The following DLG2 variants were observed in gnomAD, a reference collection of about 807,000 sequenced individuals.
DLG2 encodes the protein discs large MAGUK scaffold protein 2.
In DLG2, 45 loss-of-function variants were observed where a neutral mutation model predicts 132.5. The ratio of observed to expected loss-of-function variants is 0.34; its 90% CI spans 0.27 to 0.44. DLG2 has a LOEUF of 0.44. Among genes scored for constraint, DLG2 ranks in the 20% least tolerant of loss-of-function variants. DLG2 has a pLI of 1.00. For missense variants in DLG2, 1,045 were observed against 1,196.9 expected (o/e 0.87, Z 1.87); for synonymous variants, 424 against 419.6 (o/e 1.01, Z -0.13).
intron 18 of DLG2, among the ~76,000 whole-genome samples, chr11:83,734,444 G>GTC (rs995292410): frequency 5.6e-5 from 7 of 124,856 alleles, no homozygotes; most frequent in Non-Finnish European, 9.5e-5. Context: ...TTCTCTCTCT[G>GTC]TCTCTCTCTC....
intron 7 of DLG2, among the ~76,000 whole-genome samples, chr11:84,396,391 A>C (rs1325657873): frequency 6.6e-6 from 1 of 152,232 alleles, no homozygotes; most frequent in Non-Finnish European, 1.5e-5. Context: ...ATACTTTAAA[A>C]AAAAATATAT....
intron 3 of DLG2, among the ~76,000 whole-genome samples, chr11:85,296,874 A>T (rs944999776): frequency 1.3e-5 from 2 of 149,896 alleles, no homozygotes; most frequent in Admixed American, 1.3e-4. Flanking sequence ...TATAATTATG[A>T]TGTAATTTTA....
chr11:85,021,609 G>A (rs2060073854), intron 6 of DLG2: 2 of 1,377,268 alleles, frequency 1.5e-6, no homozygotes, highest in Non-Finnish European at 2.1e-6. Context: ...ACACACGGGA[G>A]TTCATGGAGC....
At chr11:83,507,639 G>C (rs924515412) in intron 21 of DLG2, among the ~76,000 whole-genome samples, 1 of 144,756 alleles carries the variant, frequency 6.9e-6, no homozygotes, top group South Asian at 2.2e-4. Context: ...GAGTTAAATG[G>C]GGATGTGGTG....
At chr11:83,573,126 T>C (rs2096825309) in intron 19 of DLG2, among the ~76,000 whole-genome samples, 1 of 152,222 alleles carries the variant, frequency 6.6e-6, no homozygotes, top group Admixed American at 6.5e-5. Flanking sequence ...TTTTGGTTTA[T>C]TTACTTTAGG....
chr11:84,505,611 G>A (rs1395668446), intron 7 of DLG2, among the ~76,000 whole-genome samples: 1 of 152,056 alleles, frequency 6.6e-6, no homozygotes, highest in Admixed American at 6.5e-5. Context: ...CTGCCTTATA[G>A]AATTATTGAA....
At chr11:83,684,428 G>C (rs1267917249) in intron 18 of DLG2, 2 of 152,170 alleles carry the variant, frequency 1.3e-5, no homozygotes, top group Non-Finnish European at 2.9e-5. Context: ...CTCACATACA[G>C]TCTGTTCTCT....
At chr11:85,023,882 C>T (rs2060290693) in intron 6 of DLG2, among the ~76,000 whole-genome samples, 1 of 152,048 alleles carries the variant, frequency 6.6e-6, no homozygotes, top group African/African-American at 2.4e-5. Context: ...ATTTTACAAA[C>T]ATAAAATTGA....
At chr11:84,984,120 C>T (rs557571125) in intron 6 of DLG2, among the ~76,000 whole-genome samples, 5 of 152,204 alleles carry the variant, frequency 3.3e-5, no homozygotes, top group Non-Finnish European at 7.4e-5. Context: ...CCTGGCCTTG[C>T]TAGAGACCTA....
intron 6 of DLG2, among the ~76,000 whole-genome samples, chr11:84,738,345 G>T (rs1416926250): frequency 6.6e-6 from 1 of 151,660 alleles, no homozygotes; most frequent in Admixed American, 6.6e-5. Context: ...ATACCCTCTA[G>T]ATTTGGCCTT....
At position 84,502,211 on chromosome 11, in the gene DLG2, C is replaced by CCTCT. The variant is rs2099211965; in HGVS notation, c.519+32358_519+32359insAGAG. Among the ~76,000 whole-genome samples, 2 of 1,678 alleles carry CCTCT rather than the reference C, an allele frequency of 1.2e-3. 1 individual carries two copies. The allele number at this position is 1,678 out of a possible 152,430, so 1.1% of individuals were successfully genotyped here. On this transcript the variant is annotated intron_variant, in intron 7 of 27. Transcript: ENST00000376104. ...TTCTCTCTCTCTCTCTCCTTCCTTC[C>CCTCT]TTCCTTCCTTCCTTCCTTCCTTCCT...
At position 83,460,999 on chromosome 11, in the gene DLG2, GTTTTTTT is replaced by G. The variant is rs10591072; in HGVS notation, c.2821+996_2821+1002del. ...GGTAATCCAGGAAGAAAGTTCTTGGGTTTTTTTTTTTTTTTTTTTTTTTTTTGAGACA... is the reference window on the plus strand; with the variant it reads ...GGTAATCCAGGAAGAAAGTTCTTGGGTTTTTTTTTTTTTTTTTTTGAGACA... On this transcript the variant is annotated intron_variant, in intron 27 of 27. Transcript: ENST00000376104. Among the ~76,000 whole-genome samples, 542 of 107,062 alleles carry G rather than the reference GTTTTTTT, an allele frequency of 5.1e-3. 13 individuals carry two copies. Among genetic ancestry groups the G allele is most frequent in the Middle Eastern group, 0.016 (3 of 192 alleles). 70.2% of individuals were successfully genotyped at this position (107,062 alleles called of 152,430 possible). A position where few individuals can be genotyped will look rare whatever the true frequency, so the allele number is the denominator to read the frequency against.
At chr11:83,868,545 AATACACATATAAAC>A (rs1188031190) in intron 16 of DLG2, among the ~76,000 whole-genome samples, 3 of 152,254 alleles carry the variant, frequency 2.0e-5, no homozygotes, top group South Asian at 2.1e-4. Flanking sequence ...CATATACATA[AATACACATATAAAC>A]ATACACATAA....
At chr11:83,668,923 A>G (rs1370914614) in intron 18 of DLG2, among the ~76,000 whole-genome samples, 6 of 150,704 alleles carry the variant, frequency 4.0e-5, no homozygotes, top group Non-Finnish European at 5.9e-5. Context: ...TTATTCGCTC[A>G]GCACCAAATT....
chr11:84,128,912 T>C (rs1360118886), intron 9 of DLG2, among the ~76,000 whole-genome samples: 1 of 152,182 alleles, frequency 6.6e-6, no homozygotes, highest in African/African-American at 2.4e-5. Flanking sequence ...TCACCTTTTT[T>C]GGCATGTTCT....
At chr11:84,066,592 T>G (rs2096676346) in intron 10 of DLG2, among the ~76,000 whole-genome samples, 1 of 152,124 alleles carries the variant, frequency 6.6e-6, no homozygotes, top group Admixed American at 6.5e-5. Context: ...AAATCCTGTC[T>G]GTGCTAAAAA....
chr11:84,566,165 G>A (rs965087829), intron 6 of DLG2, among the ~76,000 whole-genome samples: 1 of 151,970 alleles, frequency 6.6e-6, no homozygotes, highest in African/African-American at 2.4e-5. Flanking sequence ...GTTTCACCAT[G>A]TTGGCCAGGC....
intron 6 of DLG2, among the ~76,000 whole-genome samples, chr11:84,781,892 G>C (rs535661432): frequency 4.6e-5 from 7 of 152,218 alleles, no homozygotes; most frequent in African/African-American, 1.7e-4. Flanking sequence ...AGAGATGGCA[G>C]AGGGCAGGGT....
chr11:84,871,780 T>C (rs2085500535), intron 6 of DLG2, among the ~76,000 whole-genome samples: 1 of 152,092 alleles, frequency 6.6e-6, no homozygotes, highest in Admixed American at 6.5e-5. Flanking sequence ...TGGAGTGCAG[T>C]ACCACGATCC....
Sources: gnomAD v4.1 joint callset for allele counts (sites outside exome capture counted in the v4.1 genomes callset) on GRCh38, gnomAD v4.1.1 for gene constraint, MANE v1.5 for transcripts, NCBI Gene and HGNC (gene_info 2026-07-23, HGNC 2026-07-21) for gene names.